Variants in MS4A14 observed in about 807,000 individuals in gnomAD.
The protein encoded by MS4A14 is membrane-spanning 4-domains subfamily A member 14.
MS4A14 carries 18 observed loss-of-function variants against 16.7 expected under a neutral mutation model. The observed-to-expected ratio is 1.08, with a 90% CI of 0.75 to 1.60. The LOEUF (loss-of-function observed/expected upper bound fraction) is 1.60, where lower values mean the gene tolerates loss of function less well. Among genes scored for constraint, MS4A14 ranks in the 40% most tolerant of loss-of-function variants. The probability of loss-of-function intolerance (pLI) is 0.00; values close to 1 mark genes in which losing one functional copy is unlikely to be tolerated. For missense variants in MS4A14, 812 were observed against 775.3 expected (o/e 1.05, Z -0.56); for synonymous variants, 305 against 289.4 (o/e 1.05, Z -0.55).
Position 60,415,603 on chromosome 11 carries a change from T to C in MS4A14, c.635T>C (p.Leu212Pro). 1 of 1,613,746 alleles carries C rather than the reference T, an allele frequency of 6.2e-7. No individual in the cohort carries two copies. Among genetic ancestry groups the C allele is most frequent in the Non-Finnish European group, 8.5e-7 (1 of 1,179,790 alleles). ...FGGYAFFKLT[L>P]SRSPLVSQPG... ...GGCTATGCTTTCTTCAAGTTAACAC[T>C]CTCTAGGAGTCCTTTAGTCTCCCAA... The change falls in exon 5 of 5, where the codon CTC (leucine) becomes CCC (proline). Residue 212 changes from leucine to proline, a missense_variant. Coordinates refer to ENST00000300187, the MANE Select transcript of MS4A14 (RefSeq NM_032597.5).
At chr11:60,409,787 T>TTTCTTTCC (rs1023210739) in intron 4 of MS4A14, among the ~76,000 whole-genome samples, 1 of 151,606 alleles carries the variant, frequency 6.6e-6, no homozygotes, top group African/African-American at 2.4e-5. Flanking sequence ...TTTTTCTTTC[T>TTTCTTTCC]TTCTTTCCTT....
intron 4 of MS4A14, chr11:60,405,969 C>G: frequency 6.5e-7 from 1 of 1,526,802 alleles, no homozygotes; most frequent in Non-Finnish European, 8.8e-7. Flanking sequence ...GAAGCAAGTG[C>G]TGGACACAGT....
Position 60,415,960 on chromosome 11 carries a change from C to G in MS4A14, c.992C>G (p.Ser331Ter). Residue 331 changes from serine to a stop codon, truncating the protein, a stop_gained, in exon 5 of 5, where the codon TCA (serine) becomes TGA (stop). Transcript: ENST00000300187. LOFTEE classifies it low-confidence loss of function (END_TRUNC). The stretch of plus-strand genomic sequence containing the variant: ...CAAGCTCTACCAGTAGAAGGCCTGT[C>G]AGAACAAACCATGCCATCTAAGTCT... ...PSQALPVEGL[S>*]EQTMPSKSTS... is the part of the protein sequence containing the mutation. The G allele has an allele frequency of 1.9e-6, 3 of 1,613,892 alleles. No homozygotes were observed. Among genetic ancestry groups the G allele is most frequent in the East Asian group, 2.2e-5 (1 of 44,868 alleles).
At chr11:60,404,862 T>C (rs926291723) in intron 4 of MS4A14, among the ~76,000 whole-genome samples, 48 of 152,232 alleles carry the variant, frequency 3.2e-4, no homozygotes, top group African/African-American at 1.1e-3. Flanking sequence ...TTACTTGTTA[T>C]TGTCTGCCTC....
chr11:60,412,504 T>A (rs2085882632), intron 4 of MS4A14, among the ~76,000 whole-genome samples: 1 of 151,950 alleles, frequency 6.6e-6, no homozygotes, highest in African/African-American at 2.4e-5. Flanking sequence ...CAGTATCTGA[T>A]TTCTTGGCAT....
chr11:60,410,285 C>G (rs1448803113), intron 4 of MS4A14, among the ~76,000 whole-genome samples: 1 of 152,112 alleles, frequency 6.6e-6, no homozygotes, highest in Non-Finnish European at 1.5e-5. Context: ...TATAGTCTTG[C>G]CTGTTTCTTA....
chr11:60,417,392 G>A lies in MS4A14; in HGVS notation c.*384G>A, dbSNP rs948501706. On this transcript the variant is annotated 3_prime_UTR_variant, in exon 5 of 5. Transcript: ENST00000300187. ...TTTGTCCAATCTAGATTCAGAACAA[G>A]ATGTGCAACCAGACACTTCAGCTTC... 3 of 158,986 alleles carry A rather than the reference G, an allele frequency of 1.9e-5. No individual in the cohort carries two copies. The highest frequency in any genetic ancestry group is 7.2e-5 in the African/African-American group (3 of 41,516). 9.8% of individuals were successfully genotyped at this position (158,986 alleles called of 1,614,324 possible).
At chr11:60,411,385 T>C (rs2085866988) in intron 4 of MS4A14, among the ~76,000 whole-genome samples, 2 of 152,212 alleles carry the variant, frequency 1.3e-5, no homozygotes, top group Non-Finnish European at 1.5e-5. Flanking sequence ...ATTTTAAATC[T>C]TCTTATACGT....
intron 4 of MS4A14, among the ~76,000 whole-genome samples, chr11:60,403,617 G>A (rs2135131246): frequency 6.6e-6 from 1 of 152,268 alleles, no homozygotes; most frequent in South Asian, 2.1e-4. Context: ...ATTCATTAAA[G>A]CAGATGAGAG....
chr11:60,403,693 C>G (rs1029167759), intron 4 of MS4A14, among the ~76,000 whole-genome samples: 2 of 152,142 alleles, frequency 1.3e-5, no homozygotes, highest in Non-Finnish European at 2.9e-5. Context: ...TAATCAGTGA[C>G]ATTATTTTTA....
In MS4A14 at chr11:60,415,764, C is replaced by T; in HGVS notation, c.796C>T (p.Gln266Ter). The T allele has an allele frequency of 6.2e-7, 1 of 1,613,926 alleles. No individual in the cohort carries two copies. Among genetic ancestry groups the T allele is most frequent in the South Asian group, 1.1e-5 (1 of 91,064 alleles). ...EKKPSENMSIQLDSTFKQMKD... is the reference protein window; with the variant it reads ...EKKPSENMSI ...AAAGCCCTCAGAAAATATGTCCATT[C>T]AGCTAGACTCTACATTTAAACAAAT... The change falls in exon 5 of 5, where the codon CAG becomes TAG. Residue 266 changes from glutamine to a stop codon, truncating the protein, a stop_gained. Coordinates refer to ENST00000300187, the MANE Select transcript of MS4A14 (RefSeq NM_032597.5). LOFTEE classifies it low-confidence loss of function (END_TRUNC).
chr11:60,397,298 A>T (rs1230684750), intron 1 of MS4A14, among the ~76,000 whole-genome samples: 2 of 152,084 alleles, frequency 1.3e-5, no homozygotes, highest in Admixed American at 6.6e-5. Flanking sequence ...GGCTATTCTC[A>T]TCCCTAGTTG....
intron 4 of MS4A14, among the ~76,000 whole-genome samples, chr11:60,405,366 A>C (rs1237350201): frequency 1.3e-5 from 2 of 152,224 alleles, no homozygotes; most frequent in Non-Finnish European, 1.5e-5. Flanking sequence ...GGCGTGAGCC[A>C]CCGCGCCCGG....
At chr11:60,403,960 T>C (rs577644085) in intron 4 of MS4A14, among the ~76,000 whole-genome samples, 9 of 152,358 alleles carry the variant, frequency 5.9e-5, no homozygotes, top group African/African-American at 2.2e-4. Flanking sequence ...AGGGACTCTC[T>C]CATGTGTTCT....
At chr11:60,407,988 A>G (rs1278819759) in intron 4 of MS4A14, among the ~76,000 whole-genome samples, 2 of 152,112 alleles carry the variant, frequency 1.3e-5, no homozygotes, top group East Asian at 1.9e-4. Flanking sequence ...GTTTTCTTCT[A>G]TCTTTTCCTA....
chr11:60,414,525 A>G (rs7948349), intron 4 of MS4A14, among the ~76,000 whole-genome samples: 3,895 of 152,226 alleles, frequency 0.026, 178 homozygotes, highest in African/African-American at 0.09. Flanking sequence ...GAGTCAGAAT[A>G]AAAAGCAGCA....
chr11:60,415,595 G>T lies in MS4A14; in HGVS notation c.627G>T (p.Lys209Asn). 3 of 1,613,800 alleles carry T rather than the reference G, an allele frequency of 1.9e-6. No individual in the cohort carries two copies. Among genetic ancestry groups the T allele is most frequent in the Middle Eastern group, 1.6e-4 (1 of 6,062 alleles). Reference protein sequence around the residue: ...SVIFGGYAFFKLTLSRSPLVS... With the variant: ...SVIFGGYAFFNLTLSRSPLVS... ...TCTTTGGAGGCTATGCTTTCTTCAAGTTAACACTCTCTAGGAGTCCTTTAG... is the reference window on the plus strand; with the variant it reads ...TCTTTGGAGGCTATGCTTTCTTCAATTTAACACTCTCTAGGAGTCCTTTAG... Residue 209 changes from lysine (K) to asparagine (N), a missense_variant, in exon 5 of 5, where the codon AAG (lysine) becomes AAT (asparagine). Coordinates refer to ENST00000300187, the MANE Select transcript of MS4A14 (RefSeq NM_032597.5).
At chr11:60,397,744 T>G in intron 1 of MS4A14, 108 bp from the exon 2 acceptor site, 1 of 1,020,792 alleles carries the variant, frequency 9.8e-7, no homozygotes, top group Non-Finnish European at 1.4e-6. Flanking sequence ...GAGGAAGGCA[T>G]TTGGATGGAG....
chr11:60,403,162 G>C lies in MS4A14; in HGVS notation c.468+101G>C, dbSNP rs768484214. 171 of 1,327,346 alleles carry C rather than the reference G, an allele frequency of 1.3e-4. 1 individual carries two copies. The highest frequency in any genetic ancestry group is 1.6e-4 in the Non-Finnish European group (153 of 930,864). The allele number at this position is 1,327,346 out of a possible 1,614,324, so 82.2% of individuals were successfully genotyped here. On this transcript the variant is annotated intron_variant, in intron 4 of 4. Coordinates refer to ENST00000300187, the MANE Select transcript of MS4A14 (RefSeq NM_032597.5). The stretch of plus-strand genomic sequence containing the variant: ...TTTTTATTTTATTAAATGAAGTTGT[G>C]TCAGCATTTGAACTGACGGTTGAGA...
Sources: allele counts gnomAD v4.1 joint callset (sites outside exome capture counted in the v4.1 genomes callset), GRCh38; gene constraint gnomAD v4.1.1; transcripts MANE v1.5; gene names NCBI Gene and HGNC (gene_info 2026-07-23, HGNC 2026-07-21).